The following NRXN1 variants were observed in gnomAD, a reference collection of about 807,000 sequenced individuals.
The protein encoded by NRXN1 is neurexin 1, also known as neurexin-1.
A neutral mutation model predicts 150.9 loss-of-function variants in NRXN1; 39 were observed. The observed-to-expected ratio is 0.26, with a 90% confidence interval of 0.20 to 0.34. The LOEUF (loss-of-function observed/expected upper bound fraction) is 0.34, where lower values mean the gene tolerates loss of function less well. Among genes scored for constraint, NRXN1 ranks in the 10% least tolerant of loss-of-function variants. The probability of loss-of-function intolerance (pLI) is 1.00; values close to 1 mark genes in which losing one functional copy is unlikely to be tolerated. For synonymous variants in NRXN1, 924 were observed against 757.0 expected, an observed-to-expected ratio of 1.22 and a Z score of -3.62; for missense variants, 1,815 against 1,949.9, an observed-to-expected ratio of 0.93 and a Z score of 1.30.
At chr2:50,429,279 C>T (rs1374498590) in intron 17 of NRXN1, among the ~76,000 whole-genome samples, 1 of 151,764 alleles carries the variant, frequency 6.6e-6, no homozygotes, top group Non-Finnish European at 1.5e-5. Context: ...TCTTTTGAGA[C>T]GGAGTCCTAC....
At chr2:50,871,293 A>G (rs1677745540) in intron 5 of NRXN1, among the ~76,000 whole-genome samples, 1 of 151,842 alleles carries the variant, frequency 6.6e-6, no homozygotes, top group African/African-American at 2.4e-5. Context: ...CTATTCCTGT[A>G]TGACATTTTA....
chr2:50,942,959 T>A (rs940981813), intron 2 of NRXN1, among the ~76,000 whole-genome samples: 5 of 152,142 alleles, frequency 3.3e-5, no homozygotes, highest in African/African-American at 9.7e-5. Flanking sequence ...CAAATTGTAA[T>A]CCCCATGTGT....
chr2:50,393,064 G>C (rs2081836379), intron 17 of NRXN1, among the ~76,000 whole-genome samples: 1 of 151,682 alleles, frequency 6.6e-6, no homozygotes, highest in Non-Finnish European at 1.5e-5. Flanking sequence ...ACAAACCCAA[G>C]ACATTTTCAA....
At chr2:50,273,270 T>C (rs973922458) in intron 17 of NRXN1, among the ~76,000 whole-genome samples, 5 of 152,202 alleles carry the variant, frequency 3.3e-5, no homozygotes, top group African/African-American at 1.2e-4. Context: ...ATTACATTTT[T>C]AGGACTTTAT....
At chr2:49,948,769 C>A (rs562343360) in intron 21 of NRXN1, among the ~76,000 whole-genome samples, 3 of 151,940 alleles carry the variant, frequency 2.0e-5, no homozygotes, top group Non-Finnish European at 4.4e-5. Context: ...TTAATCAATT[C>A]TATTCTTTAG....
In NRXN1 at chr2:50,091,512, A is replaced by C. The variant is rs754285936; in HGVS notation, c.3547-18T>G. 1.2e-6 allele frequency: 2 copies of C among 1,612,780 alleles called. No individual in the cohort carries two copies. The highest frequency in any genetic ancestry group is 1.7e-5 in the Admixed American group (1 of 59,940). On this transcript the variant is annotated intron_variant, in intron 18 of 22. Transcript: ENST00000401669. ...CCCTGGTGCTGTAAGAGAGGAGGGG[A>C]AAAAAGAGTTGAATTAAGTTGACTA...
chr2:50,403,272 T>G (rs909312090), intron 17 of NRXN1, among the ~76,000 whole-genome samples: 2 of 152,154 alleles, frequency 1.3e-5, no homozygotes, highest in African/African-American at 4.8e-5. Context: ...GCTCCTTGTT[T>G]GCTTGATAAT....
At chr2:50,162,688 C>A (rs1451764778) in intron 18 of NRXN1, among the ~76,000 whole-genome samples, 1 of 152,056 alleles carries the variant, frequency 6.6e-6, no homozygotes, top group Non-Finnish European at 1.5e-5. Flanking sequence ...TTCACAAGAA[C>A]ATTTTTATAA....
chr2:50,916,911 A>G (rs947914927), intron 5 of NRXN1: 15 of 151,730 alleles, frequency 9.9e-5, no homozygotes, highest in African/African-American at 3.4e-4. Flanking sequence ...ATACTCTTCA[A>G]TTAGTTTTTC....
At chr2:50,151,739 GT>G (rs1364976855) in intron 18 of NRXN1, among the ~76,000 whole-genome samples, 1 of 151,626 alleles carries the variant, frequency 6.6e-6, no homozygotes, top group Non-Finnish European at 1.5e-5. Flanking sequence ...ACATTCTAAA[GT>G]TGGATTGTGG....
At chr2:50,093,669 C>A (rs759470031) in intron 18 of NRXN1, among the ~76,000 whole-genome samples, 3 of 152,058 alleles carry the variant, frequency 2.0e-5, no homozygotes, top group Non-Finnish European at 4.4e-5. Flanking sequence ...ACCCTATCTA[C>A]ATGGACCCTG....
chr2:50,156,474 T>C (rs1261181611), intron 18 of NRXN1, among the ~76,000 whole-genome samples: 1 of 151,926 alleles, frequency 6.6e-6, no homozygotes, highest in Non-Finnish European at 1.5e-5. Context: ...ACGTAAATGG[T>C]TCCTTGCCTT....
At chr2:50,845,272 T>G (rs1255596820) in intron 5 of NRXN1, among the ~76,000 whole-genome samples, 1 of 152,182 alleles carries the variant, frequency 6.6e-6, no homozygotes, top group Non-Finnish European at 1.5e-5. Context: ...ACAAAACCAT[T>G]ATGATAATGA....
intron 2 of NRXN1, among the ~76,000 whole-genome samples, chr2:51,007,681 C>T (rs1667239711): frequency 6.6e-6 from 1 of 151,840 alleles, no homozygotes; most frequent in Non-Finnish European, 1.5e-5. Context: ...TGCACTTTTA[C>T]ATGAATGTTT....
chr2:50,818,178 A>T (rs955253089), intron 5 of NRXN1, among the ~76,000 whole-genome samples: 1 of 149,572 alleles, frequency 6.7e-6, no homozygotes, highest in Non-Finnish European at 1.5e-5. Flanking sequence ...CAAAGTCAAC[A>T]TACAAAAACA....
intron 5 of NRXN1, among the ~76,000 whole-genome samples, chr2:50,625,885 G>A (rs931483294): frequency 2.0e-5 from 3 of 151,904 alleles, no homozygotes; most frequent in Non-Finnish European, 4.4e-5. Context: ...TAATTAATGT[G>A]ATAAATGTGA....
chr2:50,829,684 C>A, intron 5 of NRXN1: 4 of 1,609,644 alleles, frequency 2.5e-6, no homozygotes, highest in Non-Finnish European at 2.5e-6. Context: ...CACAGCGGAG[C>A]GCCGCGCCAG....
intron 5 of NRXN1, among the ~76,000 whole-genome samples, chr2:50,744,000 T>A (rs189968336): frequency 5.3e-5 from 8 of 152,262 alleles, no homozygotes; most frequent in Non-Finnish European, 7.4e-5. Flanking sequence ...GTAATCCTTA[T>A]AAACACCATA....
intron 21 of NRXN1, among the ~76,000 whole-genome samples, chr2:50,027,345 G>A (rs1470549005): frequency 3.3e-5 from 4 of 121,620 alleles, no homozygotes; most frequent in Non-Finnish European, 4.9e-5. Context: ...TCCTTTGTTC[G>A]TTCCCTTCCT....
Sources: gnomAD v4.1 joint callset for allele counts (sites outside exome capture counted in the v4.1 genomes callset) on GRCh38, gnomAD v4.1.1 for gene constraint, MANE v1.5 for transcripts, NCBI Gene and HGNC (gene_info 2026-07-23, HGNC 2026-07-21) for gene names.